The following TMEM242 variants were observed in gnomAD, a reference collection of about 807,000 sequenced individuals.
TMEM242 encodes UPF0463 transmembrane protein C6orf35.
Under a neutral mutation model 18.2 loss-of-function variants are expected in TMEM242, and 10 were observed. The ratio of observed to expected loss-of-function variants is 0.55; its 90% CI spans 0.34 to 0.93. The LOEUF (loss-of-function observed/expected upper bound fraction) is 0.93, where lower values mean the gene tolerates loss of function less well. Among genes scored for constraint, TMEM242 ranks in the 40% least tolerant of loss-of-function variants. TMEM242 has a pLI of 0.02. For missense variants in TMEM242, 186 were observed against 175.5 expected (o/e 1.06, Z -0.34); for synonymous variants, 57 against 69.9 (o/e 0.81, Z 0.92).
chr6:157,314,914 T>C (rs1289441300), intron 3 of TMEM242, among the ~76,000 whole-genome samples: 1 of 152,236 alleles, frequency 6.6e-6, no homozygotes, highest in Non-Finnish European at 1.5e-5. Flanking sequence ...ATCAAGCTGC[T>C]CTAGGTTAAC....
chr6:157,312,575 C>T (rs1354191685), intron 3 of TMEM242, among the ~76,000 whole-genome samples: 2 of 115,328 alleles, frequency 1.7e-5, no homozygotes, highest in Admixed American at 8.7e-5. Context: ...TGTACGCTCA[C>T]CCGGCCTCAT....
intron 3 of TMEM242, among the ~76,000 whole-genome samples, chr6:157,313,341 CCCCAGTGTGCGCTCACCT>C (rs2128416639): frequency 1.8e-5 from 1 of 55,548 alleles, no homozygotes; most frequent in Admixed American, 1.9e-4. Context: ...CATCATAGTG[CCCCAGTGTGCGCTCACCT>C]GGCCTCATCA....
chr6:157,296,682 CAAAA>C (rs1428595491), intron 3 of TMEM242, among the ~76,000 whole-genome samples: 1 of 152,132 alleles, frequency 6.6e-6, no homozygotes, highest in Non-Finnish European at 1.5e-5. Flanking sequence ...GACTCCATCT[CAAAA>C]GAAACCAAAA....
At chr6:157,318,670 TC>T in intron 3 of TMEM242, 111 bp downstream of exon 3, 1 of 1,231,798 alleles carries the variant, frequency 8.1e-7, no homozygotes. Context: ...TGTCATCATC[TC>T]CCTAGACAGT....
intron 3 of TMEM242, among the ~76,000 whole-genome samples, chr6:157,312,536 A>G (rs372842264): frequency 0.03 from 147 of 4,858 alleles, 4 homozygotes; most frequent in Middle Eastern, 0.25. Flanking sequence ...CCCAGTGTGC[A>G]CTCAGCTAGC....
chr6:157,313,325 T>G (rs199789906), intron 3 of TMEM242, among the ~76,000 whole-genome samples: 1 of 1,282 alleles, frequency 7.8e-4, no homozygotes, highest in Non-Finnish European at 1.8e-3. Context: ...TGCGCTCACC[T>G]GGCCTCATCA....
intron 3 of TMEM242, among the ~76,000 whole-genome samples, chr6:157,303,634 T>C (rs1777862415): frequency 6.6e-6 from 1 of 152,202 alleles, no homozygotes. Context: ...CACAGAACCC[T>C]TGGTTTAGGG....
chr6:157,295,881 C>T (rs1384316331), intron 3 of TMEM242, among the ~76,000 whole-genome samples: 3 of 152,120 alleles, frequency 2.0e-5, no homozygotes, highest in African/African-American at 7.2e-5. Flanking sequence ...AAGATATAAA[C>T]AGGGCCTCAA....
In TMEM242 at chr6:157,323,420, A is replaced by G; in HGVS notation, c.80T>C (p.Leu27Pro). 18 of 1,614,066 alleles carry G rather than the reference A, an allele frequency of 1.1e-5. No homozygotes were observed. Among genetic ancestry groups the G allele is most frequent in the Non-Finnish European group, 1.4e-5 (17 of 1,179,960 alleles). The change falls in exon 1 of 4, where the codon CTG (leucine) becomes CCG (proline). Residue 27 changes from leucine (L) to proline (P), a missense_variant. Leu to Pro is a moderately conservative substitution (Grantham distance 98, BLOSUM62 -3). Coordinates refer to ENST00000400788, the MANE Select transcript of TMEM242 (RefSeq NM_018452.6). Reference protein sequence around the residue: ...APGSTNDRLFLVKGGIFLGTV... With the variant: ...APGSTNDRLFPVKGGIFLGTV... ...ACCACAGCACATCTTACCTTTAACC[A>G]GGAAAAGCCGGTCATTCGTGGACCC...
At chr6:157,322,255 C>T (rs149060228) in intron 2 of TMEM242, among the ~76,000 whole-genome samples, 4,936 of 152,252 alleles carry the variant, frequency 0.032, 132 homozygotes, top group Admixed American at 0.047. Context: ...CTCAGCCTCC[C>T]GAGTAGCTAG....
At chr6:157,299,777 A>T in intron 3 of TMEM242, 6 of 1,603,254 alleles carry the variant, frequency 3.7e-6, no homozygotes, top group Non-Finnish European at 5.1e-6. Context: ...TTTGCTACAA[A>T]CAATATTTGG....
In TMEM242 at chr6:157,319,049, T is replaced by C. The variant is rs1778454152; in HGVS notation, c.190-130A>G. The stretch of plus-strand genomic sequence containing the variant: ...GAAGCTAAATCAACCCAAGGTCTAA[T>C]TCTGGCTTTGCTACTTAATAATTGC... On this transcript the variant is annotated intron_variant, in intron 2 of 3. Transcript: ENST00000400788. 7 of 953,318 alleles carry C rather than the reference T, an allele frequency of 7.3e-6. No homozygotes were observed. In the South Asian group the frequency reaches 1.2e-4, roughly 16 times the overall value. The allele number at this position is 953,318 out of a possible 1,614,324, so 59.1% of individuals were successfully genotyped here. A position where few individuals can be genotyped will look rare whatever the true frequency, so the allele number is the denominator to read the frequency against.
Position 157,292,208 on chromosome 6 carries a change from T to A in TMEM242, c.*693A>T, listed in dbSNP as rs1777693283. On this transcript the variant is annotated 3_prime_UTR_variant, in exon 4 of 4. Coordinates refer to ENST00000400788, the MANE Select transcript of TMEM242 (RefSeq NM_018452.6). ...GATCCAGACCAACTTCTCAAAAAAA[T>A]ATGTTTACCCCTGATATCATCATTA... The A allele has an allele frequency of 6.7e-6, 1 of 148,452 alleles. No homozygotes were observed. The highest frequency in any genetic ancestry group is 1.5e-5 in the Non-Finnish European group (1 of 66,810). The allele number at this position is 148,452 out of a possible 1,614,324, so 9.2% of individuals were successfully genotyped here.
chr6:157,313,091 C>A (rs71191617), intron 3 of TMEM242, among the ~76,000 whole-genome samples: 4 of 144,046 alleles, frequency 2.8e-5, no homozygotes, highest in East Asian at 2.0e-4. Context: ...CTCACCTGGC[C>A]TCATCAAAGT....
chr6:157,294,028 T>TCTTA (rs1777717749), intron 3 of TMEM242, among the ~76,000 whole-genome samples: 1 of 151,878 alleles, frequency 6.6e-6, no homozygotes, highest in Admixed American at 6.6e-5. Context: ...GCCTAAGAGA[T>TCTTA]CTTAACATGC....
intron 3 of TMEM242, among the ~76,000 whole-genome samples, chr6:157,313,349 T>A (rs1554249717): frequency 6.7e-6 from 1 of 150,250 alleles, no homozygotes. Context: ...TGCCCCAGTG[T>A]GCGCTCACCT....
intron 3 of TMEM242, among the ~76,000 whole-genome samples, chr6:157,310,487 G>T (rs1554248304): frequency 2.6e-5 from 4 of 151,076 alleles, no homozygotes; most frequent in African/African-American, 9.7e-5. Context: ...TGCTCACCTA[G>T]CCTCATCATA....
intron 2 of TMEM242, among the ~76,000 whole-genome samples, chr6:157,322,155 G>A (rs1778506645): frequency 6.6e-6 from 1 of 152,174 alleles, no homozygotes; most frequent in Non-Finnish European, 1.5e-5. Context: ...TTTTGAGACA[G>A]AGTCTCGCTC....
chr6:157,315,945 TA>T (rs1554250300), intron 3 of TMEM242, among the ~76,000 whole-genome samples: 1 of 152,216 alleles, frequency 6.6e-6, no homozygotes, highest in East Asian at 1.9e-4. Context: ...TAATTATGAA[TA>T]AAAAATTGGA....
Sources: gnomAD v4.1 joint callset for allele counts (sites outside exome capture counted in the v4.1 genomes callset) on GRCh38, gnomAD v4.1.1 for gene constraint, MANE v1.5 for transcripts, NCBI Gene and HGNC (gene_info 2026-07-23, HGNC 2026-07-21) for gene names.